Variants in CDC42BPA observed in about 807,000 individuals in gnomAD.
CDC42BPA encodes CDC42 binding protein kinase alpha.
A neutral mutation model predicts 223.5 loss-of-function variants in CDC42BPA; 80 were observed. The observed-to-expected ratio is 0.36, with a 90% CI of 0.30 to 0.43. CDC42BPA has a LOEUF of 0.43. Ranked by LOEUF, CDC42BPA falls within the 20% of genes least tolerant of loss-of-function variation. The probability of loss-of-function intolerance (pLI) is 1.00; values close to 1 mark genes in which losing one functional copy is unlikely to be tolerated. For synonymous variants in CDC42BPA, 694 were observed against 718.6 expected, an observed-to-expected ratio of 0.97 and a Z score of 0.55; for missense variants, 1,743 against 2,099.9, an observed-to-expected ratio of 0.83 and a Z score of 3.32.
chr1:227,132,673 T>C (rs1657434853), intron 10 of CDC42BPA, among the ~76,000 whole-genome samples: 1 of 147,494 alleles, frequency 6.8e-6, no homozygotes. Context: ...CGCCATCCCA[T>C]CTAGGAAGTG....
rs906845849 is a variant in CDC42BPA at position 227,094,671 on chromosome 1, T to C, written c.2250-2680A>G. On this transcript the variant is annotated intron_variant, in intron 15 of 36. Coordinates refer to ENST00000366766, the MANE Select transcript of CDC42BPA (RefSeq NM_001394014.1). ...CAAGGTGGGTAAATAAAAAATTAAA[T>C]ACAGCCAAATTTATCAAATGCACAT... Among the ~76,000 whole-genome samples, 16 of 152,196 alleles carry C rather than the reference T, an allele frequency of 1.1e-4. 1 individual carries two copies. Among genetic ancestry groups the C allele is most frequent in the Non-Finnish European group, 2.4e-4 (16 of 68,026 alleles).
intron 16 of CDC42BPA, among the ~76,000 whole-genome samples, chr1:227,083,132 A>G (rs1277446170): frequency 6.8e-6 from 1 of 147,560 alleles, no homozygotes; most frequent in Admixed American, 6.8e-5. Flanking sequence ...AACACTCTTC[A>G]AATATTGCAC....
rs572279852 is a variant in CDC42BPA at position 227,148,670 on chromosome 1, G to A, written c.694-1111C>T. Among the ~76,000 whole-genome samples the A allele has an allele frequency of 2.9e-4, 44 of 151,180 alleles. 1 individual carries two copies. The highest frequency in any genetic ancestry group is 1.0e-3 in the African/African-American group (42 of 41,104). On this transcript the variant is annotated intron_variant, in intron 6 of 36. Transcript: ENST00000366766. ...CAGTCCCAGCTACTCAGGAGGCTGA[G>A]GCAGGAGAATGGTGTGAACCCGGGA...
At chr1:227,125,883 T>C (rs1351545205) in intron 11 of CDC42BPA, among the ~76,000 whole-genome samples, 5 of 152,178 alleles carry the variant, frequency 3.3e-5, no homozygotes, top group Non-Finnish European at 5.9e-5. Context: ...TTAATTTTAC[T>C]TTAAAATAAA....
intron 21 of CDC42BPA, 80 bp from the exon 22 acceptor site, chr1:227,052,065 G>T: frequency 1.4e-6 from 1 of 702,478 alleles, no homozygotes; most frequent in Non-Finnish European, 2.4e-6. Context: ...TTTCTGTAAG[G>T]CATGATTATG....
intron 11 of CDC42BPA, among the ~76,000 whole-genome samples, chr1:227,122,102 G>A (rs181806864): frequency 5.9e-5 from 9 of 151,958 alleles, no homozygotes; most frequent in Non-Finnish European, 8.8e-5. Flanking sequence ...CCCCTTGCCC[G>A]GATTTCAACA....
chr1:227,026,105 T>C lies in CDC42BPA; in HGVS notation c.4480A>G (p.Ile1494Val), dbSNP rs1668197544. 5 of 1,608,596 alleles carry C rather than the reference T, an allele frequency of 3.1e-6. No homozygotes were observed. In the African/African-American group the frequency reaches 4.0e-5, roughly 13 times the overall value. ...LSVYSENAVD[I>V]FDVNSMEWIQ... The stretch of plus-strand genomic sequence containing the variant: ...CATTCCATGGAGTTCACATCAAAGA[T>C]ATCAACTGCATTTTCACTGTACACC... Residue 1494 changes from isoleucine (I) to valine (V), a missense_variant, in exon 31 of 37, where the codon ATC becomes GTC. Coordinates refer to ENST00000366766, the MANE Select transcript of CDC42BPA (RefSeq NM_001394014.1).
rs913429229 is a variant in CDC42BPA at position 227,142,819 on chromosome 1, C to T, written c.1223+126G>A. The T allele has an allele frequency of 8.6e-6, 4 of 466,194 alleles. No homozygotes were observed. In the Admixed American group the frequency reaches 1.9e-4, roughly 22 times the overall value. 28.9% of individuals were successfully genotyped at this position (466,194 alleles called of 1,614,324 possible). The stretch of plus-strand genomic sequence containing the variant: ...ATTTTTAGTAGAGATGGGGTTTCAC[C>T]ATATTGGCCAGGCTGGTCTCGATCT... On this transcript the variant is annotated intron_variant, in intron 9 of 36. Transcript: ENST00000366766.
intron 11 of CDC42BPA, among the ~76,000 whole-genome samples, chr1:227,123,167 G>A (rs1450578055): frequency 2.0e-5 from 3 of 152,084 alleles, no homozygotes; most frequent in African/African-American, 7.2e-5. Flanking sequence ...GCCAGGTGTG[G>A]CGCACACCTA....
At chr1:227,309,771 A>C (rs2148810908) in intron 1 of CDC42BPA, among the ~76,000 whole-genome samples, 1 of 152,294 alleles carries the variant, frequency 6.6e-6, no homozygotes, top group African/African-American at 2.4e-5. Flanking sequence ...GAGCAGGAAA[A>C]GGTCATAATT....
At chr1:227,243,866 C>G (rs1184156120) in intron 2 of CDC42BPA, among the ~76,000 whole-genome samples, 2 of 151,904 alleles carry the variant, frequency 1.3e-5, no homozygotes, top group Non-Finnish European at 2.9e-5. Context: ...CATGCAACTC[C>G]TACTTACCCA....
chr1:227,287,325 T>TA (rs1688976639), intron 1 of CDC42BPA, among the ~76,000 whole-genome samples: 1 of 152,200 alleles, frequency 6.6e-6, no homozygotes, highest in African/African-American at 2.4e-5. Flanking sequence ...TCTGGGAACT[T>TA]AGATTTTGGG....
chr1:227,048,083 G>A (rs961686634), intron 22 of CDC42BPA, 73 bp from the exon 23 acceptor site: 3 of 876,300 alleles, frequency 3.4e-6, no homozygotes, highest in Non-Finnish European at 5.3e-6. Flanking sequence ...CTAGAAAGAA[G>A]CCAAAATAAA....
At chr1:227,265,043 A>G in intron 1 of CDC42BPA, 1 of 787,062 alleles carries the variant, frequency 1.3e-6, no homozygotes. Context: ...ATTTGGCTTC[A>G]TGGACGCAGC....
intron 1 of CDC42BPA, among the ~76,000 whole-genome samples, chr1:227,297,952 G>GTATATATATATATATATA (rs1416531677): frequency 1.2e-5 from 1 of 80,888 alleles, no homozygotes; most frequent in Admixed American, 1.3e-4. Flanking sequence ...GTGTGTGTGT[G>GTATATATATATATATATA]TGTATATATA....
chr1:227,290,948 G>A (rs1689586831), intron 1 of CDC42BPA, among the ~76,000 whole-genome samples: 1 of 152,164 alleles, frequency 6.6e-6, no homozygotes, highest in Non-Finnish European at 1.5e-5. Context: ...AACTATAGGG[G>A]AGACTGTTTG....
rs533187157 is a variant in CDC42BPA at position 227,237,590 on chromosome 1, G to A, written c.270+16474C>T. Reference sequence around the variant, plus strand: ...CACTATACCAATAGTTTATTCAACCGGTTGCCTAATGTCAGATATTTGGGT... The same window carrying A: ...CACTATACCAATAGTTTATTCAACCAGTTGCCTAATGTCAGATATTTGGGT... On this transcript the variant is annotated intron_variant, in intron 2 of 36. Coordinates refer to ENST00000366766, the MANE Select transcript of CDC42BPA (RefSeq NM_001394014.1). Among the ~76,000 whole-genome samples the A allele has an allele frequency of 7.2e-5, 11 of 152,148 alleles. No homozygotes were observed. In the South Asian group the frequency reaches 1.0e-3, roughly 14 times the overall value.
Position 226,992,452 on chromosome 1 carries a change from C to G in CDC42BPA, c.*1816G>C, listed in dbSNP as rs1281769394. The G allele has an allele frequency of 1.3e-5, 2 of 152,372 alleles. No homozygotes were observed. The highest frequency in any genetic ancestry group is 2.9e-5 in the Non-Finnish European group (2 of 68,064). The allele number at this position is 152,372 out of a possible 1,614,324, so 9.4% of individuals were successfully genotyped here. A position where few individuals can be genotyped will look rare whatever the true frequency, so the allele number is the denominator to read the frequency against. The stretch of plus-strand genomic sequence containing the variant: ...TTCCCTCACTGCATCTCAGAACCTT[C>G]TCCACACAGCAGCATCACCTGGAAA... On this transcript the variant is annotated 3_prime_UTR_variant, in exon 37 of 37. Coordinates refer to ENST00000366766, the MANE Select transcript of CDC42BPA (RefSeq NM_001394014.1).
chr1:227,236,426 TA>T (rs1434754866), intron 2 of CDC42BPA, among the ~76,000 whole-genome samples: 1 of 152,208 alleles, frequency 6.6e-6, no homozygotes, highest in African/African-American at 2.4e-5. Flanking sequence ...ATAGGAATAT[TA>T]AAAGTGCTAA....
Sources: gnomAD v4.1 joint callset for allele counts (sites outside exome capture counted in the v4.1 genomes callset) on GRCh38, gnomAD v4.1.1 for gene constraint, MANE v1.5 for transcripts, NCBI Gene and HGNC (gene_info 2026-07-23, HGNC 2026-07-21) for gene names.